Variants in PITRM1 observed in about 807,000 individuals in gnomAD.
PITRM1 encodes pitrilysin metallopeptidase 1, also known as presequence protease, mitochondrial.
A neutral mutation model predicts 129.9 loss-of-function variants in PITRM1; 100 were observed. That is an observed-to-expected ratio of 0.77 (90% CI 0.65 to 0.91). PITRM1 has a LOEUF of 0.91. Among genes scored for constraint, PITRM1 ranks in the 40% least tolerant of loss-of-function variants. PITRM1 has a pLI of 0.00. For synonymous variants in PITRM1, 591 were observed against 508.8 expected, an observed-to-expected ratio of 1.16 and a Z score of -2.17; for missense variants, 1,471 against 1,318.3, an observed-to-expected ratio of 1.12 and a Z score of -1.79.
rs1453504585 is a variant in PITRM1 at position 3,168,960 on chromosome 10, ACACAC to A, written c.159+1139_159+1143del. ...CACACACACACACACACACACACAC[ACACAC>A]AATTAGCCAGGCGTGGTGGCACCTT... On this transcript the variant is annotated intron_variant, in intron 2 of 26. Coordinates refer to ENST00000224949, the MANE Select transcript of PITRM1 (RefSeq NM_014889.4). Among the ~76,000 whole-genome samples the A allele has an allele frequency of 7.4e-5, 10 of 134,748 alleles. No homozygotes were observed. In the South Asian group the frequency reaches 1.9e-3, roughly 26 times the overall value. The allele number at this position is 134,748 out of a possible 152,430, so 88.4% of individuals were successfully genotyped here.
At chr10:3,160,796 G>A (rs61611140) in intron 7 of PITRM1, among the ~76,000 whole-genome samples, 29,355 of 150,244 alleles carry the variant, frequency 0.2, 3,518 homozygotes, top group Non-Finnish European at 0.27. Flanking sequence ...GTCTCGCCCC[G>A]TCCCCCCAGG....
chr10:3,163,600 T>G, intron 7 of PITRM1, 125 bp downstream of exon 7: 1 of 845,166 alleles, frequency 1.2e-6, no homozygotes, highest in South Asian at 1.8e-5. Flanking sequence ...GCCAAGAATC[T>G]TACCTAGACT....
intron 2 of PITRM1, 135 bp downstream of exon 2, chr10:3,169,969 G>T: frequency 1.7e-6 from 1 of 592,454 alleles, no homozygotes. Flanking sequence ...CTGCCACACA[G>T]CAGGAGCTGG....
intron 4 of PITRM1, 107 bp downstream of exon 4, chr10:3,166,122 G>T (rs1350159261): frequency 2.2e-6 from 2 of 929,158 alleles, no homozygotes; most frequent in Non-Finnish European, 3.1e-6. Flanking sequence ...AATTTTTCTA[G>T]AACATGAATT....
At chr10:3,169,497 G>A (rs750069430) in intron 2 of PITRM1, among the ~76,000 whole-genome samples, 21 of 152,176 alleles carry the variant, frequency 1.4e-4, no homozygotes, top group African/African-American at 4.1e-4. Flanking sequence ...TGTCTTTCAC[G>A]TTTGCTATAA....
Position 3,144,189 on chromosome 10 carries a change from C to T in PITRM1, c.2532+103G>A, listed in dbSNP as rs887687829. ...CTCGCAACTCTAGGGACACGCCAGC[C>T]CCACAGACAGGCGGACGGAGGAACA... On this transcript the variant is annotated intron_variant, in intron 22 of 26. Coordinates refer to ENST00000224949, the MANE Select transcript of PITRM1 (RefSeq NM_014889.4). 7 of 695,240 alleles carry T rather than the reference C, an allele frequency of 1.0e-5. No individual in the cohort carries two copies. The Admixed American group carries it at 1.3e-4, about 12-fold the overall frequency. The allele number at this position is 695,240 out of a possible 1,614,324, so 43.1% of individuals were successfully genotyped here.
upstream of PITRM1, chr10:3,172,824 G>C (rs1843524758): frequency 1.3e-6 from 2 of 1,517,226 alleles, no homozygotes; most frequent in East Asian, 2.5e-5. Flanking sequence ...ACCCGACGCA[G>C]GGCGCGGGGC....
chr10:3,147,107 T>A lies in PITRM1; in HGVS notation c.2336+43A>T, dbSNP rs375592379. 3.3e-4 allele frequency: 351 copies of A among 1,079,080 alleles called. 1 individual carries two copies. The African/African-American group carries it at 4.6e-3, about 14-fold the overall frequency. 66.8% of individuals were successfully genotyped at this position (1,079,080 alleles called of 1,614,324 possible). ...AGAAATACCTAAAAACTATACTTAA[T>A]AGAATGAATCATAAAATATTTAGAA... On this transcript the variant is annotated intron_variant, in intron 20 of 26. Coordinates refer to ENST00000224949, the MANE Select transcript of PITRM1 (RefSeq NM_014889.4).
Position 3,166,923 on chromosome 10 carries a change from A to G in PITRM1, c.266+13T>C, listed in dbSNP as rs1455972245. On this transcript the variant is annotated intron_variant, in intron 3 of 26. Coordinates refer to ENST00000224949, the MANE Select transcript of PITRM1 (RefSeq NM_014889.4). ...AAACATTCAAGACCATGTTCTTACAATGCACCACACACCTGAACAGATTAT... is the reference window on the plus strand; with the variant it reads ...AAACATTCAAGACCATGTTCTTACAGTGCACCACACACCTGAACAGATTAT... 1.4e-6 allele frequency: 2 copies of G among 1,473,498 alleles called. No homozygotes were observed. The highest frequency in any genetic ancestry group is 1.9e-6 in the Non-Finnish European group (2 of 1,062,298). 91.3% of individuals were successfully genotyped at this position (1,473,498 alleles called of 1,614,324 possible).
intron 2 of PITRM1, among the ~76,000 whole-genome samples, chr10:3,167,284 A>AGAGCGAGCGAGC (rs56035202): frequency 6.0e-5 from 9 of 149,080 alleles, no homozygotes; most frequent in East Asian, 3.9e-4. Flanking sequence ...AAAGAGAGAG[A>AGAGCGAGCGAGC]GAGCGAGCGA....
At chr10:3,168,206 A>G (rs1843032774) in intron 2 of PITRM1, among the ~76,000 whole-genome samples, 1 of 152,154 alleles carries the variant, frequency 6.6e-6, no homozygotes, top group African/African-American at 2.4e-5. Flanking sequence ...CCTGCCACGC[A>G]ACAGTCATGC....
intron 24 of PITRM1, among the ~76,000 whole-genome samples, chr10:3,139,325 A>C (rs1839947450): frequency 6.6e-6 from 1 of 152,198 alleles, no homozygotes; most frequent in Admixed American, 6.5e-5. Flanking sequence ...CTGTGACCTC[A>C]TCAGGAGAGG....
intron 3 of PITRM1, 94 bp downstream of exon 3, chr10:3,166,842 C>G (rs935844579): frequency 2.7e-5 from 19 of 692,812 alleles, no homozygotes; most frequent in East Asian, 1.1e-4. Context: ...GACAGTTGTT[C>G]TTCTTCCATT....
intron 15 of PITRM1, among the ~76,000 whole-genome samples, chr10:3,150,417 CAT>C (rs1491471176): frequency 1.3e-3 from 194 of 151,752 alleles, no homozygotes; most frequent in African/African-American, 4.6e-3. Context: ...CACACACACA[CAT>C]GAAAATAAAT....
At chr10:3,168,027 T>C (rs1007231938) in intron 2 of PITRM1, 1 of 152,232 alleles carries the variant, frequency 6.6e-6, no homozygotes, top group African/African-American at 2.4e-5. Context: ...CTGTCTTCTC[T>C]TCCAGTCATG....
chr10:3,138,777 C>T (rs151060418), intron 25 of PITRM1, 127 bp downstream of exon 25: 38 of 890,094 alleles, frequency 4.3e-5, no homozygotes, highest in Admixed American at 1.0e-4. Flanking sequence ...ACGTGGAAAT[C>T]GTATCACAAG....
In PITRM1 at chr10:3,159,917, C is replaced by A. The variant is rs372262012; in HGVS notation, c.938G>T (p.Cys313Phe). Residue 313 changes from cysteine to phenylalanine, a missense_variant, in exon 9 of 27, where the codon TGT (cysteine) becomes TTT (phenylalanine). Transcript: ENST00000224949. ...ATCTGTAGCAAATGAATCCGGGCCA[C>A]ATGTTATCTGGAATTCCCTCTGTAA... ...WDKPREFQIT[C>F]GPDSFATDPS... 18 of 1,601,514 alleles carry A rather than the reference C, an allele frequency of 1.1e-5. No individual in the cohort carries two copies. Among genetic ancestry groups the A allele is most frequent in the African/African-American group, 5.3e-5 (4 of 74,794 alleles).
At chr10:3,156,342 A>G (rs1249956037) in intron 13 of PITRM1, among the ~76,000 whole-genome samples, 1 of 152,238 alleles carries the variant, frequency 6.6e-6, no homozygotes, top group Non-Finnish European at 1.5e-5. Flanking sequence ...AAGACACCAG[A>G]AAGTTCATGG....
chr10:3,144,385 A>G lies in PITRM1; in HGVS notation c.2458-19T>C. The stretch of plus-strand genomic sequence containing the variant: ...CAGGTTTCTGAAAATCAAGTTTCCA[A>G]GAGAAAAGAGAAAAATCCAGAACTC... On this transcript the variant is annotated intron_variant, in intron 21 of 26. Transcript: ENST00000224949. The G allele has an allele frequency of 6.8e-7, 1 of 1,462,040 alleles. No individual in the cohort carries two copies. 90.6% of individuals were successfully genotyped at this position (1,462,040 alleles called of 1,614,324 possible). A position where few individuals can be genotyped will look rare whatever the true frequency, so the allele number is the denominator to read the frequency against.
Sources: allele counts gnomAD v4.1 joint callset (sites outside exome capture counted in the v4.1 genomes callset), GRCh38; gene constraint gnomAD v4.1.1; transcripts MANE v1.5; gene names NCBI Gene and HGNC (gene_info 2026-07-23, HGNC 2026-07-21).